Variants in HPSE2 observed in about 807,000 individuals in gnomAD.
The protein encoded by HPSE2 is heparanase 2 (inactive).
In HPSE2, 38 loss-of-function variants were observed where a neutral mutation model predicts 60.5. The observed-to-expected ratio is 0.63, with a 90% CI of 0.48 to 0.82. The LOEUF is 0.82. Among genes scored for constraint, HPSE2 ranks in the 40% least tolerant of loss-of-function variants. The pLI, the probability that HPSE2 is intolerant of heterozygous loss-of-function variation, is 0.00. For synonymous variants in HPSE2, 295 were observed against 293.2 expected (o/e 1.01, Z -0.06); for missense variants, 713 against 740.4 (o/e 0.96, Z 0.43).
chr10:98,465,533 G>A (rs1449678875), intron 11 of HPSE2, among the ~76,000 whole-genome samples: 1 of 152,178 alleles, frequency 6.6e-6, no homozygotes, highest in African/African-American at 2.4e-5. Flanking sequence ...ACTTTACTAT[G>A]GGGACAAGGT....
chr10:98,582,674 C>A, intron 9 of HPSE2, among the ~76,000 whole-genome samples: 1 of 152,180 alleles, frequency 6.6e-6, no homozygotes, highest in Non-Finnish European at 1.5e-5. Flanking sequence ...TTAACGTATT[C>A]TTTTATGGCA....
intron 5 of HPSE2, among the ~76,000 whole-genome samples, chr10:98,695,993 T>A (rs544643800): frequency 1.3e-5 from 2 of 152,216 alleles, no homozygotes; most frequent in Admixed American, 6.5e-5. Context: ...CAAAATATTA[T>A]CCCTGCCATC....
rs553956812 is a variant in HPSE2 at position 98,464,109 on chromosome 10, C to G, written c.1614-4370G>C. ...CCAGCCTGGGCAACAGTGCGAGACT[C>G]TGTCTCAAAAAAACACAAAAAAAGA... On this transcript the variant is annotated intron_variant, in intron 11 of 11. Coordinates refer to ENST00000370552, the MANE Select transcript of HPSE2 (RefSeq NM_021828.5). Among the ~76,000 whole-genome samples, 9 of 152,220 alleles carry G rather than the reference C, an allele frequency of 5.9e-5. No homozygotes were observed. The South Asian group carries it at 1.9e-3, about 32-fold the overall frequency.
chr10:98,505,702 G>C (rs575642497), intron 9 of HPSE2, among the ~76,000 whole-genome samples: 1 of 151,990 alleles, frequency 6.6e-6, no homozygotes, highest in Non-Finnish European at 1.5e-5. Context: ...ATTGGTCTGG[G>C]GTACTTATGA....
intron 9 of HPSE2, among the ~76,000 whole-genome samples, chr10:98,603,584 C>A (rs1945494611): frequency 6.6e-6 from 1 of 151,944 alleles, no homozygotes; most frequent in Admixed American, 6.6e-5. Flanking sequence ...CACACACCAC[C>A]ATGCCAGGCT....
intron 7 of HPSE2, among the ~76,000 whole-genome samples, chr10:98,638,372 G>C (rs145230736): frequency 0.055 from 8,391 of 151,838 alleles, 346 homozygotes; most frequent in East Asian, 0.11. Flanking sequence ...GTGAACCCGG[G>C]AGGCGGAGCT....
At chr10:98,675,477 G>A (rs1027021486) in intron 6 of HPSE2, among the ~76,000 whole-genome samples, 50 of 151,832 alleles carry the variant, frequency 3.3e-4, no homozygotes, top group Admixed American at 2.8e-3. Context: ...AGGCCAAGGC[G>A]GGAAGACTGC....
chr10:99,075,816 A>G (rs555668079), intron 3 of HPSE2, among the ~76,000 whole-genome samples: 1 of 152,068 alleles, frequency 6.6e-6, no homozygotes, highest in African/African-American at 2.4e-5. Context: ...CTAACAGTCT[A>G]TTTTGTCTTA....
chr10:98,883,049 G>C (rs1953068814), intron 3 of HPSE2, among the ~76,000 whole-genome samples: 1 of 152,066 alleles, frequency 6.6e-6, no homozygotes, highest in South Asian at 2.1e-4. Context: ...GAGCAGTTTT[G>C]CATGGAGAGG....
At chr10:98,721,969 T>C in intron 4 of HPSE2, 141 bp from the exon 5 acceptor site, 1 of 759,112 alleles carries the variant, frequency 1.3e-6, no homozygotes, top group Non-Finnish European at 2.2e-6. Context: ...TTATTTTAAC[T>C]TAAAGAACCA....
chr10:98,656,765 T>G (rs1348819281), intron 6 of HPSE2, among the ~76,000 whole-genome samples: 1 of 150,252 alleles, frequency 6.7e-6, no homozygotes, highest in African/African-American at 2.5e-5. Context: ...TGATAGGTTT[T>G]TTTTTTTTTT....
At chr10:98,907,707 T>C (rs2135007161) in intron 3 of HPSE2, among the ~76,000 whole-genome samples, 1 of 152,268 alleles carries the variant, frequency 6.6e-6, no homozygotes, top group East Asian at 1.9e-4. Context: ...TTTGTGGTCT[T>C]GGATTAATTA....
At chr10:98,557,154 A>G (rs1271331038) in intron 9 of HPSE2, among the ~76,000 whole-genome samples, 1 of 152,102 alleles carries the variant, frequency 6.6e-6, no homozygotes, top group Non-Finnish European at 1.5e-5. Flanking sequence ...TGGAGCTTGC[A>G]GTGAGCCGAG....
At chr10:99,010,044 C>A (rs1484706601) in intron 3 of HPSE2, among the ~76,000 whole-genome samples, 1 of 152,202 alleles carries the variant, frequency 6.6e-6, no homozygotes, top group Non-Finnish European at 1.5e-5. Context: ...TAATTCCTAA[C>A]AGCAGACCCT....
intron 3 of HPSE2, among the ~76,000 whole-genome samples, chr10:98,818,302 G>C (rs1589878042): frequency 6.6e-6 from 1 of 152,088 alleles, no homozygotes; most frequent in Non-Finnish European, 1.5e-5. Context: ...CCACAGGCTG[G>C]GGGTGGGGGA....
At chr10:98,560,530 T>C (rs1944142289) in intron 9 of HPSE2, among the ~76,000 whole-genome samples, 1 of 152,238 alleles carries the variant, frequency 6.6e-6, no homozygotes. Flanking sequence ...CCTGGCCCCA[T>C]GTAGGCCCCA....
intron 9 of HPSE2, among the ~76,000 whole-genome samples, chr10:98,568,540 A>T (rs1395007154): frequency 6.6e-6 from 1 of 152,182 alleles, no homozygotes; most frequent in South Asian, 2.1e-4. Flanking sequence ...AGCAGTCTCT[A>T]GATTGTCCTT....
intron 3 of HPSE2, among the ~76,000 whole-genome samples, chr10:98,985,966 A>G (rs1456282210): frequency 2.0e-5 from 3 of 152,236 alleles, no homozygotes; most frequent in Admixed American, 1.3e-4. Context: ...TATGCACCCA[A>G]CACAGGAGCA....
chr10:98,652,917 G>A (rs1028573777), intron 6 of HPSE2, among the ~76,000 whole-genome samples: 3 of 151,936 alleles, frequency 2.0e-5, no homozygotes, highest in Non-Finnish European at 4.4e-5. Context: ...CATTAGTCTT[G>A]TCACCTTAAG....
Sources: allele counts gnomAD v4.1 joint callset (sites outside exome capture counted in the v4.1 genomes callset), GRCh38; gene constraint gnomAD v4.1.1; transcripts MANE v1.5; gene names NCBI Gene and HGNC (gene_info 2026-07-23, HGNC 2026-07-21).